Variants in PCNX2 observed in about 807,000 individuals in gnomAD.
PCNX2 encodes pecanex-like protein 2.
A neutral mutation model predicts 223.8 loss-of-function variants in PCNX2; 168 were observed. The observed-to-expected ratio is 0.75, with a 90% confidence interval of 0.66 to 0.85. PCNX2 has a LOEUF of 0.85. Among genes scored for constraint, PCNX2 ranks in the 40% least tolerant of loss-of-function variants. PCNX2 has a pLI of 0.00. For synonymous variants in PCNX2, 1,006 were observed against 1,052.6 expected, an observed-to-expected ratio of 0.96 and a Z score of 0.86; for missense variants, 2,507 against 2,675.5, an observed-to-expected ratio of 0.94 and a Z score of 1.39.
intron 22 of PCNX2, among the ~76,000 whole-genome samples, chr1:233,091,425 A>C (rs1195254090): frequency 6.6e-6 from 1 of 152,192 alleles, no homozygotes; most frequent in Non-Finnish European, 1.5e-5. Context: ...TAAGTAGTTT[A>C]ACATAACGTT....
intron 32 of PCNX2, among the ~76,000 whole-genome samples, chr1:232,988,930 C>T (rs1441253491): frequency 6.6e-6 from 1 of 152,188 alleles, no homozygotes; most frequent in Admixed American, 6.5e-5. Context: ...AGCAGATGCA[C>T]AGCGTGGCTG....
In PCNX2 at chr1:232,985,620, A is replaced by G. The variant is rs187246834; in HGVS notation, c.6240+472T>C. ...GTCCTTAGAACTCTCCTTGTCTAGT[A>G]TTTAAATACCTAAAAGCAGTGGGCC... On this transcript the variant is annotated intron_variant, in intron 33 of 33. Coordinates refer to ENST00000258229, the MANE Select transcript of PCNX2 (RefSeq NM_014801.4). 36 of 294,270 alleles carry G rather than the reference A, an allele frequency of 1.2e-4. 1 individual carries two copies. Among genetic ancestry groups the G allele is most frequent in the Admixed American group, 3.3e-4 (7 of 21,522 alleles). 18.2% of individuals were successfully genotyped at this position (294,270 alleles called of 1,614,324 possible).
At chr1:232,984,946 A>C (rs980994966) in intron 33 of PCNX2, 1 of 153,948 alleles carries the variant, frequency 6.5e-6, no homozygotes, top group African/African-American at 2.4e-5. Context: ...CCAGAACTAC[A>C]CCCATAGATT....
In PCNX2 at chr1:233,258,821, C is replaced by G. The variant is rs1659886977; in HGVS notation, c.1041G>C (p.Val347=). The change falls in exon 5 of 34, where the codon GTG becomes GTC. Residue 347 remains valine, a synonymous_variant. Transcript: ENST00000258229. ...CQGDLPLHQE[V]DSSDSEVAVT... ...CAGCTACCTCACTATCTGAGGAGTC[C>G]ACTTCCTGGTGCAAGGGCAGGTCCC... 6.2e-7 allele frequency: 1 copy of G among 1,613,878 alleles called. No individual in the cohort carries two copies. Among genetic ancestry groups the G allele is most frequent in the Non-Finnish European group, 8.5e-7 (1 of 1,179,880 alleles).
intron 5 of PCNX2, among the ~76,000 whole-genome samples, chr1:233,255,390 A>G (rs1467139608): frequency 6.6e-6 from 1 of 152,128 alleles, no homozygotes; most frequent in Non-Finnish European, 1.5e-5. Flanking sequence ...TTTTTCCACT[A>G]TAAAGCTTTC....
rs138637113 is a variant in PCNX2, at chr1:233,018,823, T to A, written c.4606-1669A>T. On this transcript the variant is annotated intron_variant, in intron 26 of 33. Transcript: ENST00000258229. ...AGTGTTTGATGCAAGGAGGCAGGGA[T>A]GTGTGCTCCTGTTAGAAACAAACGC... 1.9e-3 allele frequency: 1,857 copies of A among 985,432 alleles called. 13 individuals carry two copies. In the African/African-American group the frequency reaches 0.024, roughly 13 times the overall value. The allele number at this position is 985,432 out of a possible 1,614,324, so 61.0% of individuals were successfully genotyped here. A position where few individuals can be genotyped will look rare whatever the true frequency, so the allele number is the denominator to read the frequency against.
chr1:233,310,240 T>A, the PCNX2 span, among the ~76,000 whole-genome samples: 11 of 152,166 alleles, frequency 7.2e-5, no homozygotes, highest in East Asian at 3.8e-4. Flanking sequence ...TCTAGAATTT[T>A]AAAAAATTTT....
intron 23 of PCNX2, among the ~76,000 whole-genome samples, chr1:233,089,308 T>C (rs1673755883): frequency 6.6e-6 from 1 of 152,124 alleles, no homozygotes; most frequent in Admixed American, 6.5e-5. Context: ...CAAAGGTCTC[T>C]GTCCCAGCTG....
intron 28 of PCNX2, among the ~76,000 whole-genome samples, chr1:233,014,213 C>A (rs1379857541): frequency 6.6e-6 from 1 of 152,098 alleles, no homozygotes; most frequent in Non-Finnish European, 1.5e-5. Context: ...AAGGGGCATC[C>A]AATTCATCAA....
intron 25 of PCNX2, among the ~76,000 whole-genome samples, chr1:233,039,330 A>G (rs997428846): frequency 6.6e-6 from 1 of 152,132 alleles, no homozygotes; most frequent in Admixed American, 6.5e-5. Context: ...CTAGGTGTTC[A>G]TGCTCCTCTA....
chr1:233,084,856 T>A (rs1266545172), intron 23 of PCNX2, among the ~76,000 whole-genome samples: 1 of 152,178 alleles, frequency 6.6e-6, no homozygotes, highest in Non-Finnish European at 1.5e-5. Context: ...ATACACTGCA[T>A]TTGCTATTGT....
chr1:233,236,935 T>C lies in PCNX2; in HGVS notation c.2268A>G (p.Gln756=), dbSNP rs369240676. 50 of 1,613,890 alleles carry C rather than the reference T, an allele frequency of 3.1e-5. 1 individual carries two copies. In the Middle Eastern group the frequency reaches 8.2e-4, roughly 27 times the overall value. ...SSSSTTTSES[Q]DPSSGDPAVS... ...CGGCAGGGTCCCCAGAAGACGGATC[T>C]TGACTCTCAGAAGTTGTGGTACTGG... The change falls in exon 9 of 34, where the codon CAA becomes CAG. Residue 756 remains glutamine, a synonymous_variant. Transcript: ENST00000258229.
intron 25 of PCNX2, among the ~76,000 whole-genome samples, chr1:233,051,328 C>G (rs1671995882): frequency 6.6e-6 from 1 of 152,132 alleles, no homozygotes; most frequent in African/African-American, 2.4e-5. Flanking sequence ...TTCAACTCAG[C>G]AATCCCATTA....
chr1:233,102,643 T>C (rs1432608909), intron 21 of PCNX2, among the ~76,000 whole-genome samples: 1 of 152,222 alleles, frequency 6.6e-6, no homozygotes, highest in Non-Finnish European at 1.5e-5. Context: ...CATATACTTG[T>C]TGCCCATTTG....
chr1:233,280,858 GA>G (rs1301937760), intron 1 of PCNX2, among the ~76,000 whole-genome samples: 11 of 152,010 alleles, frequency 7.2e-5, no homozygotes, highest in African/African-American at 2.7e-4. Context: ...TGTGAAATGA[GA>G]AAAATAATTC....
At chr1:233,223,210 C>G (rs981690671) in intron 10 of PCNX2, among the ~76,000 whole-genome samples, 5 of 152,144 alleles carry the variant, frequency 3.3e-5, no homozygotes, top group African/African-American at 1.2e-4. Flanking sequence ...GAGAAATTAA[C>G]TCTGTCAAAT....
At position 233,295,722 on chromosome 1, in the gene PCNX2, G is replaced by A. The variant is rs1323945673; in HGVS notation, c.-244C>T. The A allele has an allele frequency of 2.6e-6, 1 of 384,322 alleles. No individual in the cohort carries two copies. Among genetic ancestry groups the A allele is most frequent in the African/African-American group, 2.1e-5 (1 of 47,048 alleles). 23.8% of individuals were successfully genotyped at this position (384,322 alleles called of 1,614,324 possible). On this transcript the variant is annotated 5_prime_UTR_variant, in exon 1 of 34. Transcript: ENST00000258229. This position sits in a 1 kb window ranked among gnomAD's most constrained non-coding sequence, Gnocchi z 4.1. ...CGGGCAGGTGAGCGCCATGTCCGAG[G>A]GAGGAAGGATTTTCCCATCGTGCTC...
chr1:233,081,247 T>C (rs1218345727), intron 23 of PCNX2, among the ~76,000 whole-genome samples: 3 of 152,162 alleles, frequency 2.0e-5, no homozygotes, highest in Non-Finnish European at 4.4e-5. Context: ...TTTGGGAGGC[T>C]GAGGCAGAGA....
chr1:233,050,958 G>A (rs543493770), intron 25 of PCNX2, among the ~76,000 whole-genome samples: 1 of 151,844 alleles, frequency 6.6e-6, no homozygotes, highest in East Asian at 1.9e-4. Context: ...ATGTATAAGG[G>A]AATTAAACAA....
Sources: allele counts gnomAD v4.1 joint callset (sites outside exome capture counted in the v4.1 genomes callset), GRCh38; gene constraint gnomAD v4.1.1; non-coding constraint Gnocchi (gnomAD v3.1); transcripts MANE v1.5; gene names NCBI Gene and HGNC (gene_info 2026-07-23, HGNC 2026-07-21).